ATP6V1E2: variants seen among roughly 807,000 people sequenced by gnomAD.
The protein encoded by ATP6V1E2 is V-type proton ATPase subunit E 2.
For missense variants in ATP6V1E2, 308 were observed against 273.3 expected, an observed-to-expected ratio of 1.13 and a Z score of -0.90; for synonymous variants, 121 against 104.2, an observed-to-expected ratio of 1.16 and a Z score of -0.98.
chr2:46,529,661 C>G (rs575319675), intron 4 of ATP6V1E2, among the ~76,000 whole-genome samples: 29 of 152,152 alleles, frequency 1.9e-4, no homozygotes, highest in African/African-American at 7.0e-4. Context: ...GAAGCTGAGG[C>G]GGGAGGATCA....
intron 4 of ATP6V1E2, among the ~76,000 whole-genome samples, chr2:46,520,391 C>A (rs1022031612): frequency 1.3e-5 from 2 of 152,220 alleles, no homozygotes; most frequent in African/African-American, 4.8e-5. Flanking sequence ...AGGGCTCAGA[C>A]ACTTCTACCC....
chr2:46,518,337 C>T (rs1666398702), intron 4 of ATP6V1E2, among the ~76,000 whole-genome samples: 2 of 151,876 alleles, frequency 1.3e-5, no homozygotes, highest in African/African-American at 4.8e-5. Context: ...TGACACTTTC[C>T]AGGGGTGGGG....
intron 4 of ATP6V1E2, 56 bp from the exon 5 acceptor site, chr2:46,512,868 A>G (rs973984865): frequency 1.1e-5 from 7 of 658,008 alleles, no homozygotes; most frequent in African/African-American, 7.3e-5. Flanking sequence ...GAGGAGGATT[A>G]CAGAGACTGT....
chr2:46,529,333 C>T (rs1450789190), intron 4 of ATP6V1E2, among the ~76,000 whole-genome samples: 1 of 152,206 alleles, frequency 6.6e-6, no homozygotes, highest in Non-Finnish European at 1.5e-5. Flanking sequence ...AAAGACTGTA[C>T]CCATTCAGTG....
rs1687579492 is a variant in ATP6V1E2, at chr2:46,513,632, T to C, written c.-101-820A>G. On this transcript the variant is annotated intron_variant, in intron 4 of 4. Coordinates refer to ENST00000522587, the MANE Select transcript of ATP6V1E2 (RefSeq NM_001318063.2). Reference sequence around the variant, plus strand: ...CGAGGTCAGGAGATCAAGACCATCCTGGCCAACATGGTGAAACCCCGTCTC... The same window carrying C: ...CGAGGTCAGGAGATCAAGACCATCCCGGCCAACATGGTGAAACCCCGTCTC... Among the ~76,000 whole-genome samples the C allele has an allele frequency of 2.0e-5, 3 of 152,200 alleles. No homozygotes were observed. The South Asian group carries it at 6.2e-4, about 32-fold the overall frequency.
chr2:46,533,203 GTAGATAGATAGA>G (rs72186652), intron 4 of ATP6V1E2, among the ~76,000 whole-genome samples: 13,552 of 148,154 alleles, frequency 0.091, 679 homozygotes, highest in Non-Finnish European at 0.12. Context: ...GCATGTATGT[GTAGATAGATAGA>G]TAGATAGATA....
chr2:46,515,321 T>C (rs928610731), intron 4 of ATP6V1E2, among the ~76,000 whole-genome samples: 9 of 152,196 alleles, frequency 5.9e-5, no homozygotes, highest in African/African-American at 2.2e-4. Flanking sequence ...ACTATAAAAA[T>C]ATGTTAATGG....
At chr2:46,525,461 CAAAAAAAAAAAAAAAGA>C (rs1376735515) in intron 4 of ATP6V1E2, among the ~76,000 whole-genome samples, 8 of 56,730 alleles carry the variant, frequency 1.4e-4, no homozygotes, top group Admixed American at 9.1e-4. Context: ...GACTCCGTCT[CAAAAAAAAAAAAAAAGA>C]AAAAAAAAAA....
chr2:46,526,823 A>C (rs551922991), intron 4 of ATP6V1E2, among the ~76,000 whole-genome samples: 3 of 152,172 alleles, frequency 2.0e-5, no homozygotes, highest in Admixed American at 6.5e-5. Context: ...GTTGTGAATA[A>C]TGCTGCTATG....
chr2:46,541,104 A>G (rs1572726231), intron 2 of ATP6V1E2, among the ~76,000 whole-genome samples: 1 of 152,316 alleles, frequency 6.6e-6, no homozygotes, highest in East Asian at 1.9e-4. Flanking sequence ...CTTTCAGGAC[A>G]CGAGTCCCTG....
intron 4 of ATP6V1E2, among the ~76,000 whole-genome samples, chr2:46,522,473 T>G (rs1666689731): frequency 6.7e-6 from 1 of 148,886 alleles, no homozygotes; most frequent in East Asian, 2.0e-4. Context: ...ACTTCCACTA[T>G]GAGTGAGAAC....
At chr2:46,528,298 C>A (rs146028591) in intron 4 of ATP6V1E2, among the ~76,000 whole-genome samples, 2 of 152,324 alleles carry the variant, frequency 1.3e-5, no homozygotes, top group East Asian at 3.9e-4. Flanking sequence ...TCTTAGAAAG[C>A]AGTGAAGCAA....
chr2:46,517,165 C>T (rs921305009), intron 4 of ATP6V1E2, among the ~76,000 whole-genome samples: 11 of 152,094 alleles, frequency 7.2e-5, no homozygotes, highest in Non-Finnish European at 1.6e-4. Context: ...GAATGAAGAG[C>T]CCAGAAATAA....
At chr2:46,540,242 C>T (rs1013026500) in intron 2 of ATP6V1E2, among the ~76,000 whole-genome samples, 1 of 151,752 alleles carries the variant, frequency 6.6e-6, no homozygotes, top group Non-Finnish European at 1.5e-5. Flanking sequence ...GGCAACGTGG[C>T]GAAACCCCGC....
chr2:46,514,761 T>C lies in ATP6V1E2; in HGVS notation c.-101-1949A>G, dbSNP rs553312188. Among the ~76,000 whole-genome samples, 5 of 152,254 alleles carry C rather than the reference T, an allele frequency of 3.3e-5. No homozygotes were observed. In the South Asian group the frequency reaches 8.3e-4, roughly 25 times the overall value. On this transcript the variant is annotated intron_variant, in intron 4 of 4. Coordinates refer to ENST00000522587, the MANE Select transcript of ATP6V1E2 (RefSeq NM_001318063.2). ...TTAAAGAAATAATGGCCAAAACTTC[T>C]CAAATCTGGGGAGGGAAATGTCTAT...
At chr2:46,524,791 G>A (rs1003658145) in intron 4 of ATP6V1E2, among the ~76,000 whole-genome samples, 1 of 152,224 alleles carries the variant, frequency 6.6e-6, no homozygotes, top group Non-Finnish European at 1.5e-5. Flanking sequence ...AGGTCTGCGT[G>A]TGGAGAGCAG....
chr2:46,523,092 T>A lies in ATP6V1E2; in HGVS notation c.-101-10280A>T, dbSNP rs182812338. ...TTGCCCACTTTTTGATGTTTTTTTT[T>A]AATTGTAAATATGTTTAAGTTCCTC... is the stretch of plus-strand genomic sequence containing the variant. On this transcript the variant is annotated intron_variant, in intron 4 of 4. Coordinates refer to ENST00000522587, the MANE Select transcript of ATP6V1E2 (RefSeq NM_001318063.2). 1.9e-4 allele frequency among the ~76,000 whole-genome samples: 29 copies of A among 152,322 alleles called. 1 individual carries two copies. In the East Asian group the frequency reaches 3.7e-3, roughly 19 times the overall value.
rs917896879 is a variant in ATP6V1E2 at position 46,512,360 on chromosome 2, T to C, written c.352A>G (p.Lys118Glu). 6.2e-7 allele frequency: 1 copy of C among 1,614,052 alleles called. No individual in the cohort carries two copies. The highest frequency in any genetic ancestry group is 8.5e-7 in the Non-Finnish European group (1 of 1,180,000). ...CGGAGCAGACCCTGGAGCACCAGTTTATCCAGCAGCCCCTGGTAGACCTCT... is the reference window on the plus strand; with the variant it reads ...CGGAGCAGACCCTGGAGCACCAGTTCATCCAGCAGCCCCTGGTAGACCTCT... Reference protein sequence around the residue: ...DPEVYQGLLDKLVLQGLLRLL... With the variant: ...DPEVYQGLLDELVLQGLLRLL... Residue 118 changes from lysine to glutamate, a missense_variant, in exon 5 of 5, where the codon AAA becomes GAA. Transcript: ENST00000522587.
intron 4 of ATP6V1E2, among the ~76,000 whole-genome samples, chr2:46,514,655 C>T (rs2103827737): frequency 6.6e-6 from 1 of 152,092 alleles, no homozygotes; most frequent in African/African-American, 2.4e-5. Flanking sequence ...GCCTAAGAGA[C>T]TTACAGGACA....
Sources: allele counts gnomAD v4.1 joint callset (sites outside exome capture counted in the v4.1 genomes callset), GRCh38; gene constraint gnomAD v4.1.1; transcripts MANE v1.5; gene names NCBI Gene and HGNC (gene_info 2026-07-23, HGNC 2026-07-21).